The following ZNF469 variants were observed in gnomAD, a reference collection of about 807,000 sequenced individuals.
ZNF469 encodes the protein zinc finger protein 469.
ZNF469 carries 1 observed loss-of-function variant against 1.0 expected under a neutral mutation model. The observed-to-expected ratio is 1.00, with a 90% CI of 0.35 to 4.73. The LOEUF (loss-of-function observed/expected upper bound fraction) is 4.73, where lower values mean the gene tolerates loss of function less well. Ranked by LOEUF, ZNF469 falls within the 30% of genes most tolerant of loss-of-function variation. The pLI is 0.16. For synonymous variants in ZNF469, 2,703 were observed against 2,363.4 expected (o/e 1.14, Z -4.17); for missense variants, 6,100 against 5,356.3 (o/e 1.14, Z -4.33).
the ZNF469 span, among the ~76,000 whole-genome samples, chr16:88,168,125 C>T: frequency 2.6e-5 from 4 of 152,192 alleles, no homozygotes; most frequent in Non-Finnish European, 4.4e-5. The surrounding 1 kb of genome is among the most constrained non-coding windows in gnomAD (Gnocchi z 4.3). Context: ...TAATTGGCAC[C>T]GGGGTAGCCT....
At chr16:88,287,269 G>T in the ZNF469 span, among the ~76,000 whole-genome samples, 1 of 152,164 alleles carries the variant, frequency 6.6e-6, no homozygotes, top group East Asian at 1.9e-4. Flanking sequence ...TCCTGTCAAC[G>T]GACACAGGAG....
chr16:88,154,367 T>C, the ZNF469 span, among the ~76,000 whole-genome samples: 2 of 152,194 alleles, frequency 1.3e-5, no homozygotes, highest in Admixed American at 6.5e-5. Context: ...GGTTTCGCCA[T>C]GTTGGCCAGG....
Position 88,434,626 on chromosome 16 carries a change from G to C in ZNF469, c.7156G>C (p.Gly2386Arg), listed in dbSNP as rs12598474. Residue 2386 changes from glycine to arginine, a missense_variant, in exon 3 of 3, where the codon GGG (glycine) becomes CGG (arginine). Transcript: ENST00000565624. ...EPEDPGTPETGRSGATKMPRV... is the reference protein window; with the variant it reads ...EPEDPGTPETRRSGATKMPRV... ...GGAGGACCCAGGGACCCCTGAGACC[G>C]GGCGCTCTGGTGCTACCAAGATGCC... 0.37 allele frequency: 575,534 copies of C among 1,550,130 alleles called. 109,723 individuals are homozygous for C. The highest frequency in any genetic ancestry group is 0.39 in the Non-Finnish European group (451,397 of 1,146,894).
chr16:88,214,270 C>T, the ZNF469 span, among the ~76,000 whole-genome samples: 17 of 152,178 alleles, frequency 1.1e-4, no homozygotes, highest in African/African-American at 3.9e-4. Flanking sequence ...GGTGATGACC[C>T]CATCTGCAGT....
the ZNF469 span, among the ~76,000 whole-genome samples, chr16:88,122,605 A>G: frequency 2.9e-4 from 44 of 152,194 alleles, no homozygotes; most frequent in African/African-American, 9.9e-4. Context: ...TAGTTGGTCA[A>G]TAAAATAAGA....
chr16:88,167,923 T>A, the ZNF469 span, among the ~76,000 whole-genome samples: 1 of 152,250 alleles, frequency 6.6e-6, no homozygotes, highest in Non-Finnish European at 1.5e-5. Context: ...AGTGTTTTGA[T>A]GTCAGCCAGG....
chr16:88,135,830 G>A, the ZNF469 span, among the ~76,000 whole-genome samples: 3 of 142,922 alleles, frequency 2.1e-5, no homozygotes, highest in African/African-American at 5.1e-5. Flanking sequence ...GTTTGATCTC[G>A]GCTCACTGCA....
At chr16:88,102,736 G>C in the ZNF469 span, among the ~76,000 whole-genome samples, 1 of 152,226 alleles carries the variant, frequency 6.6e-6, no homozygotes, top group Non-Finnish European at 1.5e-5. Context: ...GGCTGTGAAA[G>C]AGGAGAAACC....
chr16:88,330,926 T>C, the ZNF469 span, among the ~76,000 whole-genome samples: 1 of 152,216 alleles, frequency 6.6e-6, no homozygotes, highest in East Asian at 1.9e-4. Flanking sequence ...ATGCAGCAAG[T>C]GCTCACTAAA....
At chr16:88,411,454 G>A (rs985796768) in intron 1 of ZNF469, among the ~76,000 whole-genome samples, 2 of 93,296 alleles carry the variant, frequency 2.1e-5, no homozygotes, top group Admixed American at 2.4e-4. Flanking sequence ...GCAGGCAGGG[G>A]TGCGAGTGGG....
the ZNF469 span, among the ~76,000 whole-genome samples, chr16:88,188,102 A>G: frequency 6.6e-6 from 1 of 152,068 alleles, no homozygotes; most frequent in Non-Finnish European, 1.5e-5. Context: ...CAAGCAAACA[A>G]CGAACTTTGC....
At chr16:88,393,862 G>T (rs899621242) in intron 1 of ZNF469, among the ~76,000 whole-genome samples, 4 of 152,244 alleles carry the variant, frequency 2.6e-5, no homozygotes, top group African/African-American at 9.6e-5. Context: ...AGCTTTGAGG[G>T]CATGTGTCCA....
At chr16:88,277,608 C>T in the ZNF469 span, among the ~76,000 whole-genome samples, 1 of 135,104 alleles carries the variant, frequency 7.4e-6, no homozygotes, top group Non-Finnish European at 1.5e-5. Flanking sequence ...GCTGATGCTC[C>T]GTCAGTACTG....
At chr16:88,381,164 G>A (rs1223926489), upstream of ZNF469, among the ~76,000 whole-genome samples, 51 of 82,862 alleles carry the variant, frequency 6.2e-4, no homozygotes, top group African/African-American at 2.5e-3. Flanking sequence ...ACACAGACAC[G>A]CCCTCACACA....
At chr16:88,390,099 CG>C (rs913696767) in intron 1 of ZNF469, among the ~76,000 whole-genome samples, 62 of 152,300 alleles carry the variant, frequency 4.1e-4, no homozygotes, top group African/African-American at 1.4e-3. Flanking sequence ...ATCAGACTTT[CG>C]GGGGCCACTA....
chr16:88,131,748 G>A, the ZNF469 span, among the ~76,000 whole-genome samples: 1 of 152,240 alleles, frequency 6.6e-6, no homozygotes, highest in Admixed American at 6.5e-5. Context: ...TGTCTTTGGT[G>A]GACACTCTGT....
Position 88,428,868 on chromosome 16 carries a change from C to T in ZNF469, c.1398C>T (p.Gly466=). 1 of 1,548,462 alleles carries T rather than the reference C, an allele frequency of 6.5e-7. No homozygotes were observed. The highest frequency in any genetic ancestry group is 8.7e-7 in the Non-Finnish European group (1 of 1,146,494). Residue 466 remains glycine, a synonymous_variant, in exon 3 of 3, where the codon GGC becomes GGT. Transcript: ENST00000565624. The part of the protein sequence containing the change: ...LAATRSMFFN[G]QPSPGQRLCL... The stretch of plus-strand genomic sequence containing the variant: ...CCACCAGGAGTATGTTCTTTAACGG[C>T]CAGCCCAGCCCAGGCCAGCGGCTCT...
At chr16:88,247,823 G>A in the ZNF469 span, among the ~76,000 whole-genome samples, 1 of 152,256 alleles carries the variant, frequency 6.6e-6, no homozygotes, top group Non-Finnish European at 1.5e-5. Flanking sequence ...GTGAGTGAAT[G>A]AGTGAGTGAG....
Position 88,430,824 on chromosome 16 carries a change from C to T in ZNF469, c.3354C>T (p.Gly1118=). Residue 1118 remains glycine, a synonymous_variant, in exon 3 of 3, where the codon GGC becomes GGT. Transcript: ENST00000565624. The part of the protein sequence containing the change: ...GPGFRGRRGR[G]EKRKEVELTQ... ...GCTTCAGAGGCCGGCGGGGCCGAGG[C>T]GAGAAGAGGAAGGAAGTGGAGCTGA... 1.3e-6 allele frequency: 2 copies of T among 1,533,520 alleles called. No individual in the cohort carries two copies. The highest frequency in any genetic ancestry group is 1.7e-6 in the Non-Finnish European group (2 of 1,145,386). 95.0% of individuals were successfully genotyped at this position (1,533,520 alleles called of 1,614,324 possible).
Sources: gnomAD v4.1 joint callset for allele counts (sites outside exome capture counted in the v4.1 genomes callset) on GRCh38, gnomAD v4.1.1 for gene constraint, Gnocchi (gnomAD v3.1) non-coding constraint, MANE v1.5 for transcripts, NCBI Gene and HGNC (gene_info 2026-07-23, HGNC 2026-07-21) for gene names.